PCLO: variants seen among roughly 807,000 people sequenced by gnomAD.
The protein encoded by PCLO is protein piccolo.
A neutral mutation model predicts 427.5 loss-of-function variants in PCLO; 82 were observed. The ratio of observed to expected loss-of-function variants is 0.19; its 90% CI spans 0.16 to 0.23. The LOEUF (loss-of-function observed/expected upper bound fraction) is 0.23. Ranked by LOEUF, PCLO falls within the 10% of genes least tolerant of loss-of-function variation. The pLI is 1.00. For synonymous variants in PCLO, 2,357 were observed against 2,155.4 expected, an observed-to-expected ratio of 1.09 and a Z score of -2.59; for missense variants, 6,239 against 6,115.9, an observed-to-expected ratio of 1.02 and a Z score of -0.67.
chr7:82,799,557 G>A (rs1791298486), intron 22 of PCLO, among the ~76,000 whole-genome samples: 1 of 152,126 alleles, frequency 6.6e-6, no homozygotes, highest in African/African-American at 2.4e-5. Context: ...ATACTTATAT[G>A]CTCTCAGATG....
At chr7:83,106,029 A>G (rs377371815) in intron 3 of PCLO, among the ~76,000 whole-genome samples, 3 of 152,376 alleles carry the variant, frequency 2.0e-5, no homozygotes, top group East Asian at 3.9e-4. Flanking sequence ...AAACAAGTAG[A>G]CTAGGTCATA....
chr7:83,154,676 T>G, intron 2 of PCLO, 72 bp downstream of exon 2: 1 of 1,085,432 alleles, frequency 9.2e-7, no homozygotes, highest in Non-Finnish European at 1.4e-6. Context: ...ATATATGTGT[T>G]TAGTTAAGCA....
chr7:82,914,657 G>C (rs750393122), intron 7 of PCLO, 29 bp downstream of exon 7: 10 of 1,606,602 alleles, frequency 6.2e-6, no homozygotes, highest in Non-Finnish European at 8.5e-6. Flanking sequence ...AGTTTTGAGA[G>C]TAACAGGGTA....
At position 82,953,911 on chromosome 7, in the gene PCLO, T is replaced by C. The variant is rs1458701159; in HGVS notation, c.7042A>G (p.Ile2348Val). The change falls in exon 5 of 25, where the codon ATA (isoleucine) becomes GTA (valine). Residue 2348 changes from isoleucine to valine, a missense_variant. Physicochemically the swap from Ile to Val is conservative, Grantham distance 29 (BLOSUM62 3). Coordinates refer to ENST00000333891, the MANE Select transcript of PCLO (RefSeq NM_033026.6). Reference protein sequence around the residue: ...TVFDHPPSSVIALPMKEQLST... With the variant: ...TVFDHPPSSVVALPMKEQLST... The stretch of plus-strand genomic sequence containing the variant: ...AGCTGCTCTTTCATTGGAAGGGCTA[T>C]TACAGAAGAAGGTGGGTGATCAAAC... The C allele has an allele frequency of 1.2e-6, 2 of 1,613,928 alleles. No homozygotes were observed. Among genetic ancestry groups the C allele is most frequent in the South Asian group, 1.1e-5 (1 of 91,078 alleles).
chr7:82,884,054 C>A (rs1296966778), intron 9 of PCLO, among the ~76,000 whole-genome samples: 1 of 152,156 alleles, frequency 6.6e-6, no homozygotes, highest in African/African-American at 2.4e-5. Flanking sequence ...CAGGCGTGAG[C>A]CACCGCGCCT....
chr7:82,939,229 C>T (rs576207347), intron 6 of PCLO, among the ~76,000 whole-genome samples: 2 of 152,090 alleles, frequency 1.3e-5, no homozygotes, highest in African/African-American at 4.8e-5. Flanking sequence ...CATTTCTGGA[C>T]ATGGGGTATT....
chr7:83,129,438 C>T (rs1791517702), intron 3 of PCLO, among the ~76,000 whole-genome samples: 1 of 151,998 alleles, frequency 6.6e-6, no homozygotes, highest in Non-Finnish European at 1.5e-5. Flanking sequence ...TATTACAGCA[C>T]TTTTAGACTT....
At chr7:83,125,826 T>C (rs981777808) in intron 3 of PCLO, among the ~76,000 whole-genome samples, 1 of 151,968 alleles carries the variant, frequency 6.6e-6, no homozygotes, top group Admixed American at 6.6e-5. Context: ...CTCTCCACTA[T>C]TGTCCTATGA....
chr7:83,035,080 T>A (rs968191928), intron 3 of PCLO, among the ~76,000 whole-genome samples: 6 of 152,206 alleles, frequency 3.9e-5, no homozygotes, highest in Non-Finnish European at 8.8e-5. Context: ...TGGCAGCAAG[T>A]CTTTAATTCT....
chr7:82,999,550 ATATTATATTAAAATATAAAATATAATAT>A (rs1398505508), intron 3 of PCLO, among the ~76,000 whole-genome samples: 2 of 64,168 alleles, frequency 3.1e-5, no homozygotes, highest in Middle Eastern at 0.017. Flanking sequence ...ATAAAATATA[ATATTATATTAAAATATAAAATATAATAT>A]TATATTAAAA....
At chr7:83,079,455 G>A (rs1790040189) in intron 3 of PCLO, among the ~76,000 whole-genome samples, 1 of 125,212 alleles carries the variant, frequency 8.0e-6, no homozygotes, top group Non-Finnish European at 2.0e-5. Context: ...GGAGAAGGAA[G>A]AAGAAGAAGA....
Position 83,031,704 on chromosome 7 carries a change from G to A in PCLO, c.3301-65217C>T, listed in dbSNP as rs997358394. ...GGAATGAAAAGCTACATTAAGAAAT[G>A]AGTCTTAATCTCTCTCTCTCTCTCT... On this transcript the variant is annotated intron_variant, in intron 3 of 24. Transcript: ENST00000333891. Among the ~76,000 whole-genome samples the A allele has an allele frequency of 2.7e-5, 4 of 148,976 alleles. No homozygotes were observed. In the Admixed American group the frequency reaches 2.7e-4, roughly 10 times the overall value.
At chr7:82,862,037 G>A (rs536771396) in intron 10 of PCLO, among the ~76,000 whole-genome samples, 4 of 151,622 alleles carry the variant, frequency 2.6e-5, no homozygotes, top group East Asian at 1.9e-4. Context: ...ATCTAATGAC[G>A]CATCTTAAAG....
In PCLO at chr7:82,847,174, A is replaced by G; in HGVS notation, c.13728T>C (p.Ser4576=). The change falls in exon 11 of 25, where the codon AGT becomes AGC. Residue 4576 remains serine, a synonymous_variant. Coordinates refer to ENST00000333891, the MANE Select transcript of PCLO (RefSeq NM_033026.6). ...ATATTTCTGCTTCCCCACTTTGCTG[A>G]CTAATGATACTCTGAACTTCTTCAT... is the stretch of plus-strand genomic sequence containing the variant. The part of the protein sequence containing the change: ...KTYEEVQSII[S]QQSGEAEICV... 6.2e-7 allele frequency: 1 copy of G among 1,603,936 alleles called. No individual in the cohort carries two copies. Among genetic ancestry groups the G allele is most frequent in the Non-Finnish European group, 8.5e-7 (1 of 1,173,290 alleles).
intron 2 of PCLO, among the ~76,000 whole-genome samples, chr7:83,137,273 T>C (rs1791752680): frequency 6.6e-6 from 1 of 152,208 alleles, no homozygotes; most frequent in African/African-American, 2.4e-5. Context: ...CAAGGCTTAT[T>C]TTGCACTCTC....
At chr7:82,839,574 C>G (rs1211247732) in intron 14 of PCLO, among the ~76,000 whole-genome samples, 1 of 152,074 alleles carries the variant, frequency 6.6e-6, no homozygotes, top group African/African-American at 2.4e-5. Flanking sequence ...ATTAATACCA[C>G]TGAAATTTCA....
At chr7:83,090,123 T>C (rs941442362) in intron 3 of PCLO, among the ~76,000 whole-genome samples, 15 of 151,950 alleles carry the variant, frequency 9.9e-5, no homozygotes, top group African/African-American at 3.4e-4. Context: ...GCCAACATGG[T>C]AAACCCTGTC....
At chr7:83,017,158 T>C (rs1788229099) in intron 3 of PCLO, among the ~76,000 whole-genome samples, 1 of 152,070 alleles carries the variant, frequency 6.6e-6, no homozygotes. Context: ...TAATATAATG[T>C]TGAAAAAATG....
chr7:83,088,139 ATTGCCAGTT>A (rs1236831931), intron 3 of PCLO, among the ~76,000 whole-genome samples: 1 of 152,202 alleles, frequency 6.6e-6, no homozygotes, highest in Non-Finnish European at 1.5e-5. Context: ...TCACTCTCAA[ATTGCCAGTT>A]TTGAAAATTT....
Sources: gnomAD v4.1 joint callset for allele counts (sites outside exome capture counted in the v4.1 genomes callset) on GRCh38, gnomAD v4.1.1 for gene constraint, MANE v1.5 for transcripts, NCBI Gene and HGNC (gene_info 2026-07-23, HGNC 2026-07-21) for gene names.